Variants in PDE11A observed in about 807,000 individuals in gnomAD.
PDE11A encodes dual 3',5'-cyclic-AMP and -GMP phosphodiesterase 11A.
A neutral mutation model predicts 100.5 loss-of-function variants in PDE11A; 100 were observed. That is an observed-to-expected ratio of 1.00 (90% CI 0.85 to 1.18). The LOEUF (loss-of-function observed/expected upper bound fraction) is 1.18. Among genes scored for constraint, PDE11A ranks in the 50% most tolerant of loss-of-function variants. The pLI is 0.00. For synonymous variants in PDE11A, 381 were observed against 420.8 expected (o/e 0.91, Z 1.16); for missense variants, 1,141 against 1,152.6 (o/e 0.99, Z 0.15).
chr2:177,807,841 G>A lies in PDE11A; in HGVS notation c.1737+8988C>T, dbSNP rs190913225. On this transcript the variant is annotated intron_variant, in intron 9 of 19. Coordinates refer to ENST00000286063, the MANE Select transcript of PDE11A (RefSeq NM_016953.4). ...TTATCCTCATACCAAATATCTACAC[G>A]ATTACTACTGTTTTCACTAGTCTTT... 3.2e-3 allele frequency among the ~76,000 whole-genome samples: 494 copies of A among 152,244 alleles called. 2 individuals are homozygous for A. Among genetic ancestry groups the A allele is most frequent in the Middle Eastern group, 6.8e-3 (2 of 294 alleles).
chr2:177,663,187 T>C (rs1238691436), intron 19 of PDE11A, among the ~76,000 whole-genome samples: 1 of 148,718 alleles, frequency 6.7e-6, no homozygotes, highest in Non-Finnish European at 1.5e-5. Flanking sequence ...AAAAGTGCAG[T>C]GTGAACCATT....
chr2:177,848,010 G>A (rs2083631880), intron 5 of PDE11A, among the ~76,000 whole-genome samples: 1 of 152,072 alleles, frequency 6.6e-6, no homozygotes, highest in African/African-American at 2.4e-5. Context: ...GTGTGTGTGT[G>A]TAGCCAACAC....
intron 9 of PDE11A, among the ~76,000 whole-genome samples, chr2:177,812,984 T>A (rs962421554): frequency 6.6e-6 from 1 of 152,200 alleles, no homozygotes; most frequent in East Asian, 1.9e-4. Flanking sequence ...CCCACAAATT[T>A]GGAGTGGAAA....
At chr2:178,031,315 A>G (rs2086544723) in intron 1 of PDE11A, among the ~76,000 whole-genome samples, 1 of 152,178 alleles carries the variant, frequency 6.6e-6, no homozygotes, top group Non-Finnish European at 1.5e-5. Flanking sequence ...GTTCTACATG[A>G]TACTGGAGGT....
At chr2:177,956,882 G>A (rs553962738) in intron 2 of PDE11A, among the ~76,000 whole-genome samples, 13 of 152,248 alleles carry the variant, frequency 8.5e-5, no homozygotes, top group Non-Finnish European at 1.9e-4. Flanking sequence ...GACACAGGAA[G>A]GGGAACATCA....
intron 2 of PDE11A, among the ~76,000 whole-genome samples, chr2:177,911,553 T>C (rs2084881133): frequency 6.6e-6 from 1 of 152,144 alleles, no homozygotes; most frequent in Non-Finnish European, 1.5e-5. Flanking sequence ...GAAAACAGTC[T>C]CCAAAAGATA....
At chr2:177,977,615 G>A (rs2085826179) in intron 2 of PDE11A, among the ~76,000 whole-genome samples, 1 of 74,724 alleles carries the variant, frequency 1.3e-5, no homozygotes, top group African/African-American at 7.0e-5. Flanking sequence ...AACCAAAAAA[G>A]AGCCCGCATT....
At chr2:178,012,437 T>C (rs1007798176) in intron 2 of PDE11A, among the ~76,000 whole-genome samples, 3 of 152,206 alleles carry the variant, frequency 2.0e-5, no homozygotes, top group Admixed American at 6.5e-5. Context: ...TCATTGATGA[T>C]CTTATTTAAC....
chr2:177,715,059 A>G (rs2081416420), intron 12 of PDE11A, among the ~76,000 whole-genome samples: 1 of 152,174 alleles, frequency 6.6e-6, no homozygotes, highest in Non-Finnish European at 1.5e-5. Context: ...ACAGGAGCAC[A>G]TCTGCAGGGG....
intron 2 of PDE11A, among the ~76,000 whole-genome samples, chr2:177,932,623 G>A (rs1382448317): frequency 6.6e-6 from 1 of 152,024 alleles, no homozygotes; most frequent in Non-Finnish European, 1.5e-5. Flanking sequence ...ATCCCTTCAT[G>A]ATAAAAACCC....
chr2:177,646,864 A>C (rs111246611), intron 19 of PDE11A, among the ~76,000 whole-genome samples: 9,922 of 152,284 alleles, frequency 0.065, 874 homozygotes, highest in African/African-American at 0.2. Flanking sequence ...TGTAAAGGAC[A>C]GGCAAGCCTA....
intron 15 of PDE11A, among the ~76,000 whole-genome samples, chr2:177,682,673 T>C (rs1038115210): frequency 1.3e-5 from 2 of 152,186 alleles, no homozygotes; most frequent in Non-Finnish European, 2.9e-5. Flanking sequence ...TAACACACCA[T>C]TTCCCAAAAC....
chr2:177,626,913 T>TTC lies in PDE11A; in HGVS notation c.*2493_*2494insGA. 6.6e-6 allele frequency: 1 copy of TTC among 151,548 alleles called. No individual in the cohort carries two copies. The highest frequency in any genetic ancestry group is 1.5e-5 in the Non-Finnish European group (1 of 67,908). 9.4% of individuals were successfully genotyped at this position (151,548 alleles called of 1,614,324 possible). On this transcript the variant is annotated 3_prime_UTR_variant, in exon 20 of 20. Coordinates refer to ENST00000286063, the MANE Select transcript of PDE11A (RefSeq NM_016953.4). ...TTGACTTTCACCTTTTTTTTTTTTT[T>TTC]TTCATTTCCCTTAACCACCTGTCTC...
At chr2:177,979,639 C>T (rs1671384669) in intron 2 of PDE11A, among the ~76,000 whole-genome samples, 1 of 90,940 alleles carries the variant, frequency 1.1e-5, no homozygotes, top group African/African-American at 5.6e-5. Flanking sequence ...GAGACAGAGT[C>T]TCACTCTGTC....
intron 16 of PDE11A, 69 bp from the exon 17 acceptor site, chr2:177,675,587 G>GATAC (rs2080760641): frequency 1.8e-6 from 2 of 1,110,798 alleles, no homozygotes; most frequent in African/African-American, 1.5e-5. Context: ...ACCCGTCCTA[G>GATAC]ATACATAAAT....
intron 6 of PDE11A, among the ~76,000 whole-genome samples, chr2:177,839,759 T>C (rs1574199504): frequency 6.6e-6 from 1 of 152,222 alleles, no homozygotes; most frequent in Non-Finnish European, 1.5e-5. Context: ...AGTACACATA[T>C]GTACATAGAG....
At chr2:178,090,249 A>G (rs1222702153) in intron 2 of PDE11A, among the ~76,000 whole-genome samples, 3 of 152,232 alleles carry the variant, frequency 2.0e-5, no homozygotes, top group Non-Finnish European at 4.4e-5. Context: ...AGCCTCTCAG[A>G]AATAATATAT....
chr2:177,715,251 T>C (rs1453387044), intron 12 of PDE11A, among the ~76,000 whole-genome samples: 2 of 152,214 alleles, frequency 1.3e-5, no homozygotes, highest in East Asian at 1.9e-4. Flanking sequence ...GCTTCCAAAG[T>C]TGCTTTCGAG....
Position 177,680,879 on chromosome 2 carries a change from A to G in PDE11A, c.2370T>C (p.Leu790=). The change falls in exon 16 of 20, where the codon CTT becomes CTC. Residue 790 remains leucine, a synonymous_variant. Transcript: ENST00000286063. ...TCCAATCGTATTCTCCTTTACTGAC[A>G]AGTTCAAAGAATTCAGTTCTCCTCC... The part of the protein sequence containing the change: ...YFERRTEFFE[L]VSKGEYDWNI... 2 of 1,589,798 alleles carry G rather than the reference A, an allele frequency of 1.3e-6. No homozygotes were observed. Among genetic ancestry groups the G allele is most frequent in the South Asian group, 2.2e-5 (2 of 90,222 alleles).
Sources: gnomAD v4.1 joint callset for allele counts (sites outside exome capture counted in the v4.1 genomes callset) on GRCh38, gnomAD v4.1.1 for gene constraint, MANE v1.5 for transcripts, NCBI Gene and HGNC (gene_info 2026-07-23, HGNC 2026-07-21) for gene names.